Variants in PDGFD observed in about 807,000 individuals in gnomAD.
PDGFD encodes platelet-derived growth factor D.
Under a neutral mutation model 44.7 loss-of-function variants are expected in PDGFD, and 30 were observed. The ratio of observed to expected loss-of-function variants is 0.67; its 90% CI spans 0.50 to 0.91. The LOEUF is 0.91. PDGFD is among the 40% of genes least tolerant of loss of function. The pLI is 0.00. For synonymous variants in PDGFD, 173 were observed against 168.4 expected (o/e 1.03, Z -0.21); for missense variants, 445 against 457.8 (o/e 0.97, Z 0.25).
At chr11:104,077,056 T>C (rs1446686226) in intron 1 of PDGFD, among the ~76,000 whole-genome samples, 1 of 152,168 alleles carries the variant, frequency 6.6e-6, no homozygotes, top group East Asian at 1.9e-4. Context: ...AGGCTACTAG[T>C]AGTTGAGTTT....
At chr11:104,107,870 ATAT>A (rs1861493117) in intron 1 of PDGFD, among the ~76,000 whole-genome samples, 1 of 152,160 alleles carries the variant, frequency 6.6e-6, no homozygotes, top group Non-Finnish European at 1.5e-5. Context: ...GCTCCATATA[ATAT>A]TATTATTAAT....
chr11:103,977,755 G>C (rs557771813), intron 3 of PDGFD, among the ~76,000 whole-genome samples: 1 of 152,080 alleles, frequency 6.6e-6, no homozygotes, highest in African/African-American at 2.4e-5. Context: ...CCCATAAAAG[G>C]AGTGGGGATG....
At chr11:104,157,341 C>T (rs1469434177) in intron 1 of PDGFD, among the ~76,000 whole-genome samples, 1 of 152,178 alleles carries the variant, frequency 6.6e-6, no homozygotes, top group Non-Finnish European at 1.5e-5. Context: ...GCCCTGATCA[C>T]AGCCTCGGCC....
chr11:103,939,681 T>C (rs1858552104), intron 5 of PDGFD, among the ~76,000 whole-genome samples: 1 of 152,132 alleles, frequency 6.6e-6, no homozygotes, highest in African/African-American at 2.4e-5. Flanking sequence ...CCATATAATT[T>C]CACTTAATTT....
chr11:103,981,974 G>A (rs756062170), intron 3 of PDGFD, among the ~76,000 whole-genome samples: 11 of 151,754 alleles, frequency 7.2e-5, no homozygotes, highest in Non-Finnish European at 1.6e-4. Context: ...AGTTTAAAAT[G>A]TTGCAGAGAC....
chr11:104,081,729 C>T, intron 1 of PDGFD, among the ~76,000 whole-genome samples: 1 of 152,056 alleles, frequency 6.6e-6, no homozygotes, highest in Admixed American at 6.6e-5. Flanking sequence ...AGGTCATTGC[C>T]TTTGACATGA....
At chr11:103,970,771 A>G (rs141200627) in intron 3 of PDGFD, among the ~76,000 whole-genome samples, 1 of 152,162 alleles carries the variant, frequency 6.6e-6, no homozygotes, top group African/African-American at 2.4e-5. Context: ...AGAATTGTTT[A>G]TGATGCTCCC....
intron 1 of PDGFD, among the ~76,000 whole-genome samples, chr11:104,026,473 A>G (rs1157136477): frequency 6.6e-6 from 1 of 151,804 alleles, no homozygotes; most frequent in Non-Finnish European, 1.5e-5. Flanking sequence ...ACAAATATTG[A>G]GTGTGACCAA....
At chr11:104,081,158 G>A (rs1022354403) in intron 1 of PDGFD, among the ~76,000 whole-genome samples, 2 of 152,004 alleles carry the variant, frequency 1.3e-5, no homozygotes, top group African/African-American at 4.8e-5. Context: ...TACCAAATGA[G>A]AGTCTAGTTT....
At chr11:104,089,390 G>A (rs1032345320) in intron 1 of PDGFD, among the ~76,000 whole-genome samples, 1 of 152,112 alleles carries the variant, frequency 6.6e-6, no homozygotes, top group African/African-American at 2.4e-5. Context: ...AAAAATAACA[G>A]TGCTAAGAGC....
intron 1 of PDGFD, among the ~76,000 whole-genome samples, chr11:104,135,594 G>C (rs1861992862): frequency 6.6e-6 from 1 of 152,198 alleles, no homozygotes; most frequent in East Asian, 1.9e-4. Flanking sequence ...GCTATTTGGT[G>C]GTATTGAAGA....
At chr11:104,042,758 C>T (rs2134400330) in intron 1 of PDGFD, among the ~76,000 whole-genome samples, 1 of 152,286 alleles carries the variant, frequency 6.6e-6, no homozygotes, top group East Asian at 1.9e-4. Flanking sequence ...TAAGCAACTA[C>T]TTAAATCCAT....
intron 1 of PDGFD, among the ~76,000 whole-genome samples, chr11:104,076,628 G>T (rs763663490): frequency 1.3e-5 from 2 of 152,036 alleles, no homozygotes; most frequent in Non-Finnish European, 2.9e-5. Context: ...ATCCAAGGAG[G>T]CTCACATCCA....
At chr11:104,100,775 G>C (rs571544643) in intron 1 of PDGFD, among the ~76,000 whole-genome samples, 2 of 152,130 alleles carry the variant, frequency 1.3e-5, no homozygotes, top group Admixed American at 1.3e-4. Flanking sequence ...CTTCATCCCT[G>C]GGATGCAAGA....
chr11:103,925,792 G>A (rs1365819904), intron 6 of PDGFD, among the ~76,000 whole-genome samples: 2 of 149,364 alleles, frequency 1.3e-5, no homozygotes, highest in South Asian at 2.1e-4. Context: ...GCAATGGCGC[G>A]ATCTCAGCTC....
intron 1 of PDGFD, among the ~76,000 whole-genome samples, chr11:104,125,914 G>A (rs1861835328): frequency 6.6e-6 from 1 of 152,120 alleles, no homozygotes; most frequent in Non-Finnish European, 1.5e-5. Flanking sequence ...CAGAAAACTA[G>A]AATAACAGTG....
At chr11:103,981,817 T>A (rs1383440110) in intron 3 of PDGFD, among the ~76,000 whole-genome samples, 1 of 151,698 alleles carries the variant, frequency 6.6e-6, no homozygotes, top group African/African-American at 2.4e-5. Flanking sequence ...AAGCCCTAAG[T>A]CTTTTAAGGC....
chr11:103,912,231 A>T (rs1308682607), intron 6 of PDGFD, among the ~76,000 whole-genome samples: 1 of 152,214 alleles, frequency 6.6e-6, no homozygotes, highest in African/African-American at 2.4e-5. Context: ...GCCAGAGAGA[A>T]AGGTTGGGTT....
At chr11:103,949,756 A>G (rs1858721066) in intron 3 of PDGFD, among the ~76,000 whole-genome samples, 1 of 152,212 alleles carries the variant, frequency 6.6e-6, no homozygotes, top group Non-Finnish European at 1.5e-5. Context: ...GTGCTCTGAT[A>G]CCAGTCTACT....
Sources: allele counts gnomAD v4.1 joint callset (sites outside exome capture counted in the v4.1 genomes callset), GRCh38; gene constraint gnomAD v4.1.1; transcripts MANE v1.5; gene names NCBI Gene and HGNC (gene_info 2026-07-23, HGNC 2026-07-21).